CDH13: variants seen among roughly 807,000 people sequenced by gnomAD.
The protein encoded by CDH13 is cadherin-13.
In CDH13, 24 loss-of-function variants were observed where a neutral mutation model predicts 63.8. That is an observed-to-expected ratio of 0.38 (90% CI 0.27 to 0.53). The LOEUF (loss-of-function observed/expected upper bound fraction) is 0.53, where lower values mean the gene tolerates loss of function less well. Ranked by LOEUF, CDH13 falls within the 20% of genes least tolerant of loss-of-function variation. The pLI is 0.85. For synonymous variants in CDH13, 503 were observed against 355.3 expected (o/e 1.42, Z -4.67); for missense variants, 1,049 against 903.1 (o/e 1.16, Z -2.07).
chr16:83,306,883 C>T (rs1020042251), intron 5 of CDH13, among the ~76,000 whole-genome samples: 2 of 152,138 alleles, frequency 1.3e-5, no homozygotes, highest in African/African-American at 4.8e-5. Context: ...CTTATAGCAA[C>T]ACGAAATGGG....
At chr16:82,910,624 A>G (rs2041801481) in intron 2 of CDH13, among the ~76,000 whole-genome samples, 1 of 152,216 alleles carries the variant, frequency 6.6e-6, no homozygotes, top group Non-Finnish European at 1.5e-5. Context: ...GTTCTGTCCT[A>G]TAAGAAGGCT....
intron 6 of CDH13, among the ~76,000 whole-genome samples, chr16:83,482,387 G>C (rs1374006240): frequency 1.3e-5 from 2 of 152,240 alleles, no homozygotes; most frequent in African/African-American, 4.8e-5. Context: ...AGTTTGGTGA[G>C]TGCTGCAGAG....
intron 8 of CDH13, among the ~76,000 whole-genome samples, chr16:83,643,659 G>C (rs1324801792): frequency 6.6e-6 from 1 of 152,132 alleles, no homozygotes; most frequent in African/African-American, 2.4e-5. Flanking sequence ...ATAAAGGGCA[G>C]AGAAACTCCA....
chr16:83,257,646 C>A (rs1036524454), intron 5 of CDH13, among the ~76,000 whole-genome samples: 2 of 152,140 alleles, frequency 1.3e-5, no homozygotes, highest in Non-Finnish European at 1.5e-5. Context: ...TATGTACCAC[C>A]TTTTCTTTAT....
chr16:82,907,121 A>C (rs1597186766), intron 2 of CDH13, among the ~76,000 whole-genome samples: 1 of 152,274 alleles, frequency 6.6e-6, no homozygotes, highest in Admixed American at 6.5e-5. Flanking sequence ...CTACTCCATA[A>C]GTTATTTTGG....
chr16:83,650,339 G>C (rs1020987755), intron 8 of CDH13, among the ~76,000 whole-genome samples: 39 of 152,166 alleles, frequency 2.6e-4, no homozygotes, highest in African/African-American at 9.2e-4. Context: ...TTTTACCCTT[G>C]AATGTTTTTC....
At chr16:83,480,446 G>C (rs1360025895) in intron 6 of CDH13, among the ~76,000 whole-genome samples, 2 of 144,438 alleles carry the variant, frequency 1.4e-5, no homozygotes, top group African/African-American at 2.6e-5. Context: ...TTGCACACCA[G>C]GGTCTCTTTC....
intron 1 of CDH13, among the ~76,000 whole-genome samples, chr16:82,854,055 G>C (rs371432364): frequency 6.6e-6 from 1 of 152,250 alleles, no homozygotes; most frequent in Non-Finnish European, 1.5e-5. Context: ...TTGAAGAGCG[G>C]ATATCGGTGG....
intron 6 of CDH13, among the ~76,000 whole-genome samples, chr16:83,420,213 A>G (rs1436558235): frequency 6.6e-6 from 1 of 152,204 alleles, no homozygotes; most frequent in Non-Finnish European, 1.5e-5. Flanking sequence ...AGCTGTCACA[A>G]TCTCTATGAA....
intron 4 of CDH13, among the ~76,000 whole-genome samples, chr16:83,173,003 G>T (rs944349023): frequency 6.6e-6 from 1 of 152,060 alleles, no homozygotes; most frequent in East Asian, 1.9e-4. Flanking sequence ...AATTGCATGC[G>T]TTGTTTTGCT....
At chr16:83,270,534 G>T (rs1420320823) in intron 5 of CDH13, among the ~76,000 whole-genome samples, 1 of 152,136 alleles carries the variant, frequency 6.6e-6, no homozygotes, top group African/African-American at 2.4e-5. Context: ...GGTATCCATG[G>T]AAAAGACATG....
intron 10 of CDH13, among the ~76,000 whole-genome samples, chr16:83,743,571 T>A (rs957628914): frequency 1.3e-5 from 2 of 152,094 alleles, no homozygotes; most frequent in African/African-American, 4.8e-5. Context: ...ACGCCAAACA[T>A]GAAAGCCAAA....
intron 2 of CDH13, among the ~76,000 whole-genome samples, chr16:82,879,066 C>T (rs2040602156): frequency 6.6e-6 from 1 of 152,120 alleles, no homozygotes; most frequent in African/African-American, 2.4e-5. Context: ...GGTCAGCTCC[C>T]ACCAGCTCCA....
intron 1 of CDH13, among the ~76,000 whole-genome samples, chr16:82,772,897 C>T (rs2035327766): frequency 6.6e-6 from 1 of 152,112 alleles, no homozygotes; most frequent in African/African-American, 2.4e-5. Flanking sequence ...GTTGTGGGGG[C>T]ATAGGTTGCT....
intron 6 of CDH13, among the ~76,000 whole-genome samples, chr16:83,401,877 G>A (rs982219390): frequency 2.6e-5 from 4 of 152,104 alleles, no homozygotes; most frequent in African/African-American, 7.2e-5. Flanking sequence ...AACATTTTTT[G>A]TATGATTTTA....
intron 4 of CDH13, among the ~76,000 whole-genome samples, chr16:83,135,366 T>G (rs765139693): frequency 6.6e-6 from 1 of 152,208 alleles, no homozygotes; most frequent in East Asian, 1.9e-4. Flanking sequence ...GTCTTTGCTG[T>G]TTGCATAGCA....
chr16:82,849,464 T>C (rs541234198), intron 1 of CDH13, among the ~76,000 whole-genome samples: 11 of 152,254 alleles, frequency 7.2e-5, no homozygotes, highest in African/African-American at 2.6e-4. Flanking sequence ...ATCACACCAC[T>C]GCACTCCAGC....
chr16:82,642,707 A>G (rs1909566239), intron 1 of CDH13, among the ~76,000 whole-genome samples: 1 of 152,330 alleles, frequency 6.6e-6, no homozygotes, highest in South Asian at 2.1e-4. Flanking sequence ...AGGAATAATA[A>G]TAGTAGAAGT....
At chr16:82,809,313 CA>C (rs34233977) in intron 1 of CDH13, among the ~76,000 whole-genome samples, 36,845 of 149,190 alleles carry the variant, frequency 0.25, 5,679 homozygotes, top group East Asian at 0.81. Flanking sequence ...TATTTACGTC[CA>C]AAAAAAAAAA....
Sources: gnomAD v4.1 joint callset for allele counts (sites outside exome capture counted in the v4.1 genomes callset) on GRCh38, gnomAD v4.1.1 for gene constraint, MANE v1.5 for transcripts, NCBI Gene and HGNC (gene_info 2026-07-23, HGNC 2026-07-21) for gene names.